Variants in PDE8B observed in about 807,000 individuals in gnomAD.
PDE8B encodes the protein phosphodiesterase 8B, also known as high affinity cAMP-specific and IBMX-insensitive 3',5'-cyclic phosphodiesterase 8B.
Under a neutral mutation model 101.3 loss-of-function variants are expected in PDE8B, and 26 were observed. That is an observed-to-expected ratio of 0.26 (90% CI 0.19 to 0.36). The LOEUF is 0.36. Ranked by LOEUF, PDE8B falls within the 10% of genes least tolerant of loss-of-function variation. The pLI is 1.00. For missense variants in PDE8B, 810 were observed against 1,163.1 expected (o/e 0.70, Z 4.42); for synonymous variants, 424 against 429.3 (o/e 0.99, Z 0.15).
At position 77,345,855 on chromosome 5, in the gene PDE8B, C is replaced by G. The variant is rs560962846; in HGVS notation, c.876+924C>G. ...GACAGTGGGCAACACACAGCGAAGC[C>G]CACAGCAGAAGCCTCACATTTGTCT... On this transcript the variant is annotated intron_variant, in intron 7 of 21. Transcript: ENST00000264917. 1.6e-3 allele frequency among the ~76,000 whole-genome samples: 250 copies of G among 152,270 alleles called. 2 individuals are homozygous for G. Among genetic ancestry groups the G allele is most frequent in the African/African-American group, 5.8e-3 (243 of 41,556 alleles).
chr5:77,373,103 A>G (rs80351543), intron 10 of PDE8B, among the ~76,000 whole-genome samples: 1,942 of 148,848 alleles, frequency 0.013, 40 homozygotes, highest in African/African-American at 0.046. Flanking sequence ...TCTCTTTTTT[A>G]TTGTTCTGTC....
At chr5:77,128,957 C>T in the PDE8B span, among the ~76,000 whole-genome samples, 7 of 152,180 alleles carry the variant, frequency 4.6e-5, no homozygotes, top group East Asian at 1.9e-4. Flanking sequence ...GACTTATTAA[C>T]GTCCTTCCCT....
intron 5 of PDE8B, among the ~76,000 whole-genome samples, chr5:77,334,163 C>T (rs1777672646): frequency 1.3e-5 from 2 of 152,348 alleles, no homozygotes; most frequent in African/African-American, 4.8e-5. Flanking sequence ...CTTTGCCTTC[C>T]ATGAAGTTGT....
chr5:77,310,873 T>C (rs1022797221), intron 1 of PDE8B, among the ~76,000 whole-genome samples: 25 of 152,080 alleles, frequency 1.6e-4, no homozygotes, highest in African/African-American at 6.0e-4. Context: ...AGAGTGTTCA[T>C]AGCACCAGCA....
intron 20 of PDE8B, among the ~76,000 whole-genome samples, chr5:77,423,889 G>A (rs1025926065): frequency 2.6e-5 from 4 of 151,780 alleles, no homozygotes; most frequent in Middle Eastern, 3.2e-3. Context: ...CGCCTGCCTT[G>A]GCCTCCCAAA....
At chr5:77,343,799 AAC>A (rs1274870573) in intron 6 of PDE8B, among the ~76,000 whole-genome samples, 1 of 152,064 alleles carries the variant, frequency 6.6e-6, no homozygotes, top group African/African-American at 2.4e-5. Flanking sequence ...TTAAAACACA[AAC>A]ACATTTCACA....
At chr5:77,318,055 C>CA (rs55952764) in intron 2 of PDE8B, among the ~76,000 whole-genome samples, 8,262 of 56,824 alleles carry the variant, frequency 0.15, 825 homozygotes, top group East Asian at 0.32. Flanking sequence ...GACTCCATCT[C>CA]AAAAAAAAAA....
intron 1 of PDE8B, among the ~76,000 whole-genome samples, chr5:77,286,742 A>G (rs926781742): frequency 1.3e-4 from 20 of 152,338 alleles, no homozygotes; most frequent in Middle Eastern, 3.4e-3. Context: ...TATTTATATT[A>G]TACCCACCTA....
At chr5:77,192,379 A>G in the PDE8B span, among the ~76,000 whole-genome samples, 1 of 152,032 alleles carries the variant, frequency 6.6e-6, no homozygotes, top group African/African-American at 2.4e-5. Flanking sequence ...CTTCCATTCC[A>G]CTAGACTAGA....
intron 1 of PDE8B, among the ~76,000 whole-genome samples, chr5:77,214,970 C>T (rs140416080): frequency 1.3e-5 from 2 of 152,210 alleles, no homozygotes; most frequent in Non-Finnish European, 2.9e-5. Flanking sequence ...GAGGTGGGGC[C>T]ACCTCTAGCA....
the PDE8B span, among the ~76,000 whole-genome samples, chr5:77,122,791 A>G: frequency 6.6e-6 from 1 of 152,366 alleles, no homozygotes; most frequent in East Asian, 1.9e-4. Flanking sequence ...CTGCAATTAC[A>G]TTTTGAAAGT....
chr5:77,090,303 G>C, the PDE8B span, among the ~76,000 whole-genome samples: 3 of 152,018 alleles, frequency 2.0e-5, no homozygotes, highest in East Asian at 1.9e-4. Flanking sequence ...GCAGTGGCAC[G>C]ATCTCGGCTC....
At chr5:77,318,568 G>C (rs1774344045) in intron 2 of PDE8B, among the ~76,000 whole-genome samples, 1 of 152,094 alleles carries the variant, frequency 6.6e-6, no homozygotes, top group African/African-American at 2.4e-5. Flanking sequence ...TCTCTAACGG[G>C]TTATTGAGTG....
chr5:77,246,179 T>C (rs1756897313), intron 1 of PDE8B, among the ~76,000 whole-genome samples: 1 of 152,000 alleles, frequency 6.6e-6, no homozygotes, highest in African/African-American at 2.4e-5. Flanking sequence ...TCCTCCTCAA[T>C]TGGTCATAAT....
intron 2 of PDE8B, among the ~76,000 whole-genome samples, chr5:77,318,834 A>T (rs531555044): frequency 2.6e-5 from 4 of 152,362 alleles, no homozygotes; most frequent in Non-Finnish European, 5.9e-5. Context: ...AGCCAAACCA[A>T]ATATTCCAAA....
the PDE8B span, among the ~76,000 whole-genome samples, chr5:77,161,782 A>C: frequency 2.0e-5 from 3 of 152,266 alleles, no homozygotes; most frequent in South Asian, 6.2e-4. Context: ...ATCAACATTT[A>C]GTACTATAGT....
chr5:77,304,321 T>C (rs967680507), intron 1 of PDE8B, among the ~76,000 whole-genome samples: 3 of 152,244 alleles, frequency 2.0e-5, no homozygotes, highest in Non-Finnish European at 2.9e-5. Flanking sequence ...TTCATACTTA[T>C]ATTTCCTCTC....
chr5:77,171,394 G>A, the PDE8B span, among the ~76,000 whole-genome samples: 19 of 152,318 alleles, frequency 1.2e-4, 1 homozygote, highest in Non-Finnish European at 2.6e-4. Flanking sequence ...GAAATGCCAA[G>A]CATTTGTCAC....
intron 18 of PDE8B, among the ~76,000 whole-genome samples, chr5:77,419,370 A>G (rs905457912): frequency 2.0e-5 from 3 of 152,164 alleles, no homozygotes; most frequent in Non-Finnish European, 4.4e-5. Flanking sequence ...CATCCTGTGC[A>G]ATGGGAATCC....
Sources: allele counts gnomAD v4.1 joint callset (sites outside exome capture counted in the v4.1 genomes callset), GRCh38; gene constraint gnomAD v4.1.1; transcripts MANE v1.5; gene names NCBI Gene and HGNC (gene_info 2026-07-23, HGNC 2026-07-21).